OGFOD3: variants seen among roughly 807,000 people sequenced by gnomAD.
OGFOD3 encodes 2-oxoglutarate and iron-dependent oxygenase domain-containing protein 3.
OGFOD3 carries 35 observed loss-of-function variants against 39.8 expected under a neutral mutation model. The observed-to-expected ratio is 0.88, with a 90% confidence interval of 0.67 to 1.17. The LOEUF (loss-of-function observed/expected upper bound fraction) is 1.17, where lower values mean the gene tolerates loss of function less well. OGFOD3 is among the 50% of genes most tolerant of loss of function. OGFOD3 has a pLI of 0.00. For missense variants in OGFOD3, 438 were observed against 454.5 expected (o/e 0.96, Z 0.33); for synonymous variants, 200 against 192.0 (o/e 1.04, Z -0.34).
At chr17:82,405,147 G>A (rs1262176768) in intron 6 of OGFOD3, among the ~76,000 whole-genome samples, 177 bp downstream of exon 6, 1 of 152,246 alleles carries the variant, frequency 6.6e-6, no homozygotes, top group Non-Finnish European at 1.5e-5. Flanking sequence ...CGACCCGGGC[G>A]CATCCTGGCC....
intron 4 of OGFOD3, among the ~76,000 whole-genome samples, chr17:82,407,068 T>C (rs1052550957): frequency 6.6e-6 from 1 of 151,972 alleles, no homozygotes; most frequent in Admixed American, 6.6e-5. Flanking sequence ...AAATACAAAA[T>C]TAGCTGGGCA....
chr17:82,390,670 G>C lies in OGFOD3; in HGVS notation c.*1728C>G. 5.2e-6 allele frequency: 1 copy of C among 192,474 alleles called. No individual in the cohort carries two copies. The highest frequency in any genetic ancestry group is 6.0e-5 in the South Asian group (1 of 16,684). 11.9% of individuals were successfully genotyped at this position (192,474 alleles called of 1,614,324 possible). On this transcript the variant is annotated 3_prime_UTR_variant, in exon 9 of 9. Transcript: ENST00000313056. The surrounding 1 kb of genome is among the most constrained non-coding windows in gnomAD (Gnocchi z 4.9). ...CGCCGTCCTCCGCATGTGGCCCGTGGTGCAGGAGGGGCCCTGGGCAAACCA... is the reference window on the plus strand; with the variant it reads ...CGCCGTCCTCCGCATGTGGCCCGTGCTGCAGGAGGGGCCCTGGGCAAACCA...
chr17:82,403,391 G>A (rs913403017), intron 7 of OGFOD3, among the ~76,000 whole-genome samples: 14 of 152,170 alleles, frequency 9.2e-5, no homozygotes, highest in Non-Finnish European at 1.9e-4. Context: ...CAGCACTTTG[G>A]GGGGCCAAGG....
rs547783072 is a variant in OGFOD3 at position 82,414,431 on chromosome 17, A to G, written c.304+967T>C. 2.6e-5 allele frequency among the ~76,000 whole-genome samples: 4 copies of G among 152,328 alleles called. No individual in the cohort carries two copies. In the East Asian group the frequency reaches 7.7e-4, roughly 29 times the overall value. ...GGGATTGAGGATGAGCCACTGCTCC[A>G]GGCCATTGAAACTATTTTTAATGTC... is the stretch of plus-strand genomic sequence containing the variant. On this transcript the variant is annotated intron_variant, in intron 2 of 8. Coordinates refer to ENST00000313056, the MANE Select transcript of OGFOD3 (RefSeq NM_024648.3).
intron 8 of OGFOD3, among the ~76,000 whole-genome samples, chr17:82,395,328 GC>G (rs36195891): frequency 6.6e-6 from 1 of 152,136 alleles, no homozygotes; most frequent in South Asian, 2.1e-4. Flanking sequence ...GCCCCACCTG[GC>G]CCCCTTGGTG....
At chr17:82,410,710 C>CTTTTT (rs71168106) in intron 3 of OGFOD3, among the ~76,000 whole-genome samples, 6 of 91,738 alleles carry the variant, frequency 6.5e-5, no homozygotes, top group African/African-American at 1.3e-4. Flanking sequence ...GCACATAATT[C>CTTTTT]TTTTTTTTTT....
At chr17:82,401,823 A>C (rs2052771138) in intron 7 of OGFOD3, among the ~76,000 whole-genome samples, 1 of 146,810 alleles carries the variant, frequency 6.8e-6, no homozygotes, top group African/African-American at 2.5e-5. Context: ...AAAAAAAAAA[A>C]CAAAGACTGC....
intron 2 of OGFOD3, among the ~76,000 whole-genome samples, chr17:82,412,654 C>A (rs2052969493): frequency 1.3e-5 from 2 of 151,982 alleles, no homozygotes; most frequent in African/African-American, 2.4e-5. Flanking sequence ...GTGGTCGAGG[C>A]AGCATCGCAC....
rs1374616372 is a variant in OGFOD3, at chr17:82,392,458, G to C, written c.900C>G (p.Ala300=). The C allele has an allele frequency of 1.1e-5, 17 of 1,612,274 alleles. No individual in the cohort carries two copies. Among genetic ancestry groups the C allele is most frequent in the Non-Finnish European group, 1.4e-5 (17 of 1,179,440 alleles). The change falls in exon 9 of 9, where the codon GCC becomes GCG. Residue 300 remains alanine, a synonymous_variant. Transcript: ENST00000313056. The surrounding 1 kb of genome is among the most constrained non-coding windows in gnomAD (Gnocchi z 4.2). ...VEKVHWGTRY[A]ITIAFSCNPD... The stretch of plus-strand genomic sequence containing the variant: ...GGTTGCAGCTGAAGGCGATGGTGAT[G>C]GCGTAACGGGTGCCCCAGTGGACCT...
At chr17:82,401,869 C>T (rs2052772559) in intron 7 of OGFOD3, among the ~76,000 whole-genome samples, 2 of 149,134 alleles carry the variant, frequency 1.3e-5, no homozygotes, top group South Asian at 2.1e-4. Flanking sequence ...TGTCACACGG[C>T]ACAGAAAGCT....
intron 7 of OGFOD3, among the ~76,000 whole-genome samples, chr17:82,401,759 G>A (rs1242576423): frequency 3.6e-5 from 5 of 137,476 alleles, no homozygotes; most frequent in East Asian, 4.4e-4. Flanking sequence ...AGCTGAGATC[G>A]CGCCACAGCA....
chr17:82,404,045 G>A lies in OGFOD3; in HGVS notation c.591C>T (p.Gly197=), dbSNP rs1338287614. Residue 197 remains glycine (G), a synonymous_variant, in exon 7 of 9, where the codon GGC becomes GGT. Transcript: ENST00000313056. The surrounding 1 kb of genome is among the most constrained non-coding windows in gnomAD (Gnocchi z 4.5). ...TCAGATGCAGCGAGGATGCGCTGAT[G>A]CCAAAAGCCTCAGCAATGGTGAGCT... ...KVQLTIAEAF[G]ISASSLHLTK... is the part of the protein sequence containing the mutation. 1.2e-6 allele frequency: 2 copies of A among 1,609,744 alleles called. No homozygotes were observed. Among genetic ancestry groups the A allele is most frequent in the South Asian group, 1.1e-5 (1 of 90,160 alleles).
intron 7 of OGFOD3, 152 bp downstream of exon 7, chr17:82,403,785 C>G (rs1002790117): frequency 2.9e-6 from 3 of 1,020,814 alleles, no homozygotes; most frequent in Non-Finnish European, 2.9e-6. Context: ...CACGTGCGTA[C>G]TCACCCTGCC....
Position 82,392,841 on chromosome 17 carries a change from C to T in OGFOD3, c.824-307G>A. 2.7e-6 allele frequency: 1 copy of T among 373,936 alleles called. No individual in the cohort carries two copies. The highest frequency in any genetic ancestry group is 4.8e-6 in the Non-Finnish European group (1 of 206,700). The allele number at this position is 373,936 out of a possible 1,614,324, so 23.2% of individuals were successfully genotyped here. ...ACTGGCTCCAGACACCCCAGGTCAT[C>T]TGATCTCCCGAGCTCCGGGCATTTG... On this transcript the variant is annotated intron_variant, in intron 8 of 8. Transcript: ENST00000313056. The surrounding 1 kb of genome is among the most constrained non-coding windows in gnomAD (Gnocchi z 4.2).
Position 82,418,506 on chromosome 17 carries a change from C to T in OGFOD3, c.-21G>A, listed in dbSNP as rs1054018061. 7 of 1,328,658 alleles carry T rather than the reference C, an allele frequency of 5.3e-6. No individual in the cohort carries two copies. The highest frequency in any genetic ancestry group is 2.8e-4 in the Middle Eastern group (1 of 3,562). 82.3% of individuals were successfully genotyped at this position (1,328,658 alleles called of 1,614,324 possible). A position where few individuals can be genotyped will look rare whatever the true frequency, so the allele number is the denominator to read the frequency against. ...GCCATCGGACCAGGCCGCCGCGGAG[C>T]CGGGCCGGACGCGGGCGCCAGGCCC... On this transcript the variant is annotated 5_prime_UTR_variant, in exon 1 of 9. Transcript: ENST00000313056.
chr17:82,412,540 G>A (rs1192394405), intron 2 of OGFOD3, among the ~76,000 whole-genome samples: 7 of 148,498 alleles, frequency 4.7e-5, no homozygotes, highest in Non-Finnish European at 8.9e-5. Flanking sequence ...GGGTCATTGG[G>A]CAGAGGAAAG....
rs562840381 is a variant in OGFOD3, at chr17:82,404,207, C to T, written c.546-117G>A. On this transcript the variant is annotated intron_variant, in intron 6 of 8. Transcript: ENST00000313056. The surrounding 1 kb of genome is among the most constrained non-coding windows in gnomAD (Gnocchi z 4.5). ...TTCGTACGGCTCCGGGCCCGCGGGG[C>T]GGGGGCTCCCAAGCACACCGGGAAC... The T allele has an allele frequency of 1.7e-6, 2 of 1,200,758 alleles. No homozygotes were observed. Among genetic ancestry groups the T allele is most frequent in the Admixed American group, 2.9e-5 (1 of 34,762 alleles). The allele number at this position is 1,200,758 out of a possible 1,614,324, so 74.4% of individuals were successfully genotyped here. A position where few individuals can be genotyped will look rare whatever the true frequency, so the allele number is the denominator to read the frequency against.
At chr17:82,411,592 G>T (rs2052944278) in intron 2 of OGFOD3, 62 bp from the exon 3 acceptor site, 2 of 1,384,754 alleles carry the variant, frequency 1.4e-6, no homozygotes, top group African/African-American at 1.4e-5. Flanking sequence ...GCCCTTCCAG[G>T]GAATCAGGGC....
chr17:82,412,000 A>C (rs1376576904), intron 2 of OGFOD3, among the ~76,000 whole-genome samples: 1 of 69,280 alleles, frequency 1.4e-5, no homozygotes, highest in Non-Finnish European at 3.0e-5. Context: ...AGACCACCAG[A>C]GCAGAAAACC....
Sources: allele counts gnomAD v4.1 joint callset (sites outside exome capture counted in the v4.1 genomes callset), GRCh38; gene constraint gnomAD v4.1.1; non-coding constraint Gnocchi (gnomAD v3.1); transcripts MANE v1.5; gene names NCBI Gene and HGNC (gene_info 2026-07-23, HGNC 2026-07-21).